The following ZEB1 variants were observed in gnomAD, a reference collection of about 807,000 sequenced individuals.
The protein encoded by ZEB1 is zinc finger E-box-binding homeobox 1.
ZEB1 carries 21 observed loss-of-function variants against 84.9 expected under a neutral mutation model. That is an observed-to-expected ratio of 0.25 (90% confidence interval 0.18 to 0.36). The LOEUF is 0.36. Among genes scored for constraint, ZEB1 ranks in the 10% least tolerant of loss-of-function variants. ZEB1 has a pLI of 1.00. For missense variants in ZEB1, 1,104 were observed against 1,330.2 expected, an observed-to-expected ratio of 0.83 and a Z score of 2.65; for synonymous variants, 420 against 471.1, an observed-to-expected ratio of 0.89 and a Z score of 1.41.
chr10:31,382,061 C>T (rs2047790379), intron 1 of ZEB1, among the ~76,000 whole-genome samples: 1 of 146,068 alleles, frequency 6.8e-6, no homozygotes, highest in Non-Finnish European at 1.5e-5. Context: ...TGAAGCCCGA[C>T]TTCATGGCCG....
At chr10:31,476,287 G>A (rs2064173022) in intron 2 of ZEB1, among the ~76,000 whole-genome samples, 1 of 151,980 alleles carries the variant, frequency 6.6e-6, no homozygotes, top group South Asian at 2.1e-4. Flanking sequence ...CAGTATTGCT[G>A]ATACAACAGA....
chr10:31,427,377 G>T (rs1015248239), intron 1 of ZEB1, among the ~76,000 whole-genome samples: 2 of 152,070 alleles, frequency 1.3e-5, no homozygotes, highest in African/African-American at 4.8e-5. Flanking sequence ...AACTCAGTAG[G>T]TATAAGCCGA....
chr10:31,337,691 T>G (rs541221879), intron 1 of ZEB1, among the ~76,000 whole-genome samples: 6 of 145,228 alleles, frequency 4.1e-5, no homozygotes, highest in East Asian at 3.9e-4. Context: ...CTGTTTTTTT[T>G]TTTTTTTTTT....
intron 1 of ZEB1, among the ~76,000 whole-genome samples, chr10:31,427,620 A>G (rs977172307): frequency 2.0e-5 from 3 of 152,112 alleles, no homozygotes; most frequent in African/African-American, 7.2e-5. Context: ...TTGGGAGGCC[A>G]AGGCGGGTGG....
At chr10:31,327,174 G>T (rs1386946271) in intron 1 of ZEB1, among the ~76,000 whole-genome samples, 14 of 141,220 alleles carry the variant, frequency 9.9e-5, no homozygotes, top group African/African-American at 3.0e-4. Context: ...GTAAAGGCGC[G>T]ATATCAGCTC....
intron 1 of ZEB1, among the ~76,000 whole-genome samples, chr10:31,452,545 T>G (rs1234490481): frequency 6.6e-6 from 1 of 152,154 alleles, no homozygotes; most frequent in Non-Finnish European, 1.5e-5. Context: ...GACTGCAGTT[T>G]TGTTTTCATT....
chr10:31,318,870 G>T, upstream of ZEB1: 1 of 356,046 alleles, frequency 2.8e-6, no homozygotes, highest in Non-Finnish European at 5.5e-6. Context: ...CGCGGAGGCA[G>T]GACGCCGCCG....
chr10:31,375,134 A>G (rs1042569400), intron 1 of ZEB1, among the ~76,000 whole-genome samples: 2 of 151,218 alleles, frequency 1.3e-5, no homozygotes, highest in African/African-American at 4.8e-5. Context: ...ATAAAATCCA[A>G]AGAGCATTTG....
In ZEB1 at chr10:31,474,129, A is replaced by C. The variant is rs1381505323; in HGVS notation, c.259+12892A>C. Among the ~76,000 whole-genome samples, 12 of 152,240 alleles carry C rather than the reference A, an allele frequency of 7.9e-5. No homozygotes were observed. In the East Asian group the frequency reaches 1.2e-3, roughly 15 times the overall value. Reference sequence around the variant, plus strand: ...ACCCTAGAAGAAAACCTAGGCAATAACATTCAGGACATAGGCACGGGCAAG... The same window carrying C: ...ACCCTAGAAGAAAACCTAGGCAATACCATTCAGGACATAGGCACGGGCAAG... On this transcript the variant is annotated intron_variant, in intron 2 of 8. Transcript: ENST00000424869.
At chr10:31,331,081 CTTTTTTTTT>C (rs548615284) in intron 1 of ZEB1, among the ~76,000 whole-genome samples, 1,699 of 77,822 alleles carry the variant, frequency 0.022, 12 homozygotes, top group African/African-American at 0.04. Flanking sequence ...TTCTTTCTTT[CTTTTTTTTT>C]TTTTTTTTTT....
At chr10:31,380,180 T>A (rs1332849501) in intron 1 of ZEB1, among the ~76,000 whole-genome samples, 1 of 151,930 alleles carries the variant, frequency 6.6e-6, no homozygotes, top group Non-Finnish European at 1.5e-5. Context: ...CCCTTCTTCC[T>A]CCTTCCCTCC....
At chr10:31,323,062 T>G (rs2034540996) in intron 1 of ZEB1, among the ~76,000 whole-genome samples, 1 of 152,134 alleles carries the variant, frequency 6.6e-6, no homozygotes, top group African/African-American at 2.4e-5. Flanking sequence ...AGGACTGTTT[T>G]AACTTGAATA....
intron 1 of ZEB1, among the ~76,000 whole-genome samples, chr10:31,410,630 G>T (rs981992251): frequency 1.3e-5 from 2 of 152,140 alleles, no homozygotes; most frequent in Non-Finnish European, 2.9e-5. Flanking sequence ...AATCCATCTG[G>T]TCCTGGGCTT....
intron 2 of ZEB1, among the ~76,000 whole-genome samples, chr10:31,494,534 A>G (rs2066966042): frequency 6.6e-6 from 1 of 152,020 alleles, no homozygotes; most frequent in Admixed American, 6.6e-5. Context: ...TTAGTGCTCT[A>G]TTTCTCAATT....
chr10:31,367,993 G>A (rs185551198), intron 1 of ZEB1, among the ~76,000 whole-genome samples: 132 of 151,132 alleles, frequency 8.7e-4, no homozygotes, highest in Non-Finnish European at 1.4e-3. Context: ...ACATACACAC[G>A]TAGATGCATA....
chr10:31,484,975 T>A (rs561742044), intron 2 of ZEB1, among the ~76,000 whole-genome samples: 1 of 152,062 alleles, frequency 6.6e-6, no homozygotes, highest in Admixed American at 6.6e-5. Flanking sequence ...CCAACCTTTG[T>A]TCTTTGATGT....
At chr10:31,467,335 C>T (rs894012823) in intron 2 of ZEB1, among the ~76,000 whole-genome samples, 3 of 151,928 alleles carry the variant, frequency 2.0e-5, no homozygotes, top group Non-Finnish European at 2.9e-5. Context: ...TGGGCACCCA[C>T]CCCCGAGTGC....
intron 6 of ZEB1, 121 bp downstream of exon 6, chr10:31,514,829 T>C (rs1333198555): frequency 6.5e-6 from 5 of 765,062 alleles, no homozygotes; most frequent in Non-Finnish European, 1.1e-5. Context: ...TGGCATACAC[T>C]AATTGGGAGA....
In ZEB1 at chr10:31,465,783, TA is replaced by T. The variant is rs111808330; in HGVS notation, c.259+4560del. Among the ~76,000 whole-genome samples the T allele has an allele frequency of 6.2e-3, 838 of 134,616 alleles. 7 individuals carry two copies. The highest frequency in any genetic ancestry group is 6.0e-3 in the Non-Finnish European group (376 of 62,630). 88.3% of individuals were successfully genotyped at this position (134,616 alleles called of 152,430 possible). On this transcript the variant is annotated intron_variant, in intron 2 of 8. Transcript: ENST00000424869. ...CATATGCCACCACATGTGGCTAATT[TA>T]AAAAAAAAAAAAACTTTCATGGAAA... is the stretch of plus-strand genomic sequence containing the variant.
Sources: allele counts gnomAD v4.1 joint callset (sites outside exome capture counted in the v4.1 genomes callset), GRCh38; gene constraint gnomAD v4.1.1; transcripts MANE v1.5; gene names NCBI Gene and HGNC (gene_info 2026-07-23, HGNC 2026-07-21).